The following SIPA1L1 variants were observed in gnomAD, a reference collection of about 807,000 sequenced individuals.
SIPA1L1 encodes the protein signal-induced proliferation-associated 1-like protein 1.
SIPA1L1 carries 26 observed loss-of-function variants against 162.7 expected under a neutral mutation model. The ratio of observed to expected loss-of-function variants is 0.16; its 90% CI spans 0.12 to 0.22. The LOEUF is 0.22. Ranked by LOEUF, SIPA1L1 falls within the 10% of genes least tolerant of loss-of-function variation. The probability of loss-of-function intolerance (pLI) is 1.00; values close to 1 mark genes in which losing one functional copy is unlikely to be tolerated. For synonymous variants in SIPA1L1, 829 were observed against 837.4 expected (o/e 0.99, Z 0.17); for missense variants, 1,874 against 2,241.0 (o/e 0.84, Z 3.31).
intron 2 of SIPA1L1, among the ~76,000 whole-genome samples, chr14:71,386,049 A>G (rs1259504727): frequency 1.3e-5 from 2 of 152,090 alleles, no homozygotes; most frequent in African/African-American, 4.8e-5. Flanking sequence ...CTCAGTTTGT[A>G]CTAGTGCCAT....
At chr14:71,560,600 T>A (rs1355417222) in intron 4 of SIPA1L1, among the ~76,000 whole-genome samples, 1 of 152,194 alleles carries the variant, frequency 6.6e-6, no homozygotes, top group Non-Finnish European at 1.5e-5. Flanking sequence ...CCTAAACCAG[T>A]CCATGGCCAC....
At chr14:71,607,816 T>C (rs1328515165) in intron 5 of SIPA1L1, among the ~76,000 whole-genome samples, 1 of 152,164 alleles carries the variant, frequency 6.6e-6, no homozygotes, top group Non-Finnish European at 1.5e-5. Flanking sequence ...CATAAAAAGA[T>C]CAAAGTAACT....
intron 4 of SIPA1L1, among the ~76,000 whole-genome samples, chr14:71,542,240 GCTC>G (rs373488843): frequency 6.8e-4 from 103 of 151,182 alleles, no homozygotes; most frequent in African/African-American, 2.2e-3. Context: ...ACCATGCCTG[GCTC>G]CTCCTCCTCC....
intron 2 of SIPA1L1, among the ~76,000 whole-genome samples, chr14:71,497,199 AAAG>A (rs1247169565): frequency 3.3e-5 from 5 of 152,004 alleles, no homozygotes; most frequent in Non-Finnish European, 7.4e-5. Context: ...AAACAAAAAA[AAAG>A]ATCCTACAGT....
At chr14:71,513,275 A>T (rs1396917947) in intron 3 of SIPA1L1, among the ~76,000 whole-genome samples, 1 of 152,082 alleles carries the variant, frequency 6.6e-6, no homozygotes, top group East Asian at 1.9e-4. Context: ...TCTGCCAAGA[A>T]TTGGACACTT....
chr14:71,354,593 A>T (rs1031556379), intron 2 of SIPA1L1, among the ~76,000 whole-genome samples: 3 of 138,422 alleles, frequency 2.2e-5, no homozygotes, highest in African/African-American at 7.8e-5. Context: ...TTCATTTCTT[A>T]AAAAAAAAAA....
chr14:71,607,274 T>C lies in SIPA1L1; in HGVS notation c.1499-11483T>C, dbSNP rs533113906. 7.3e-5 allele frequency among the ~76,000 whole-genome samples: 11 copies of C among 151,456 alleles called. No homozygotes were observed. In the South Asian group the frequency reaches 2.1e-3, roughly 29 times the overall value. The stretch of plus-strand genomic sequence containing the variant: ...TTTCCAGGGACTGCCCTCGGCATAA[T>C]AGATGAAAAGCCTGCATGGTGTGGT... On this transcript the variant is annotated intron_variant, in intron 5 of 23. Coordinates refer to ENST00000381232, the MANE Select transcript of SIPA1L1 (RefSeq NM_001386936.1).
chr14:71,376,062 G>A (rs2141093554), intron 2 of SIPA1L1, among the ~76,000 whole-genome samples: 1 of 152,004 alleles, frequency 6.6e-6, no homozygotes, highest in Non-Finnish European at 1.5e-5. Flanking sequence ...AAATGAGTTG[G>A]GCTTTGATCC....
intron 2 of SIPA1L1, among the ~76,000 whole-genome samples, chr14:71,417,490 AAAAAAAAAAAAAAG>A (rs2042877162): frequency 1.4e-5 from 2 of 145,534 alleles, no homozygotes; most frequent in South Asian, 2.2e-4. Context: ...AAAAAAAAAA[AAAAAAAAAAAAAAG>A]AAAATCCTAA....
At chr14:71,483,573 A>G (rs2048508959) in intron 2 of SIPA1L1, among the ~76,000 whole-genome samples, 1 of 152,174 alleles carries the variant, frequency 6.6e-6, no homozygotes, top group Non-Finnish European at 1.5e-5. Flanking sequence ...AGTTTGGGCA[A>G]GTTTAAAATT....
intron 5 of SIPA1L1, among the ~76,000 whole-genome samples, chr14:71,603,920 AAT>A (rs958703020): frequency 2.1e-5 from 3 of 141,344 alleles, no homozygotes; most frequent in Non-Finnish European, 3.1e-5. Flanking sequence ...GATATATATA[AAT>A]ATATATATAT....
intron 2 of SIPA1L1, among the ~76,000 whole-genome samples, chr14:71,367,383 T>G (rs1206467520): frequency 6.6e-6 from 1 of 151,162 alleles, no homozygotes; most frequent in Non-Finnish European, 1.5e-5. Flanking sequence ...CTCTGCTCAC[T>G]GTAAACTCCG....
At chr14:71,430,253 T>C (rs1481734517) in intron 2 of SIPA1L1, among the ~76,000 whole-genome samples, 1 of 152,202 alleles carries the variant, frequency 6.6e-6, no homozygotes, top group African/African-American at 2.4e-5. Flanking sequence ...CTTTTCCTTT[T>C]TTTTTGCATG....
chr14:71,348,389 T>C (rs1165018318), intron 2 of SIPA1L1, among the ~76,000 whole-genome samples: 2 of 152,266 alleles, frequency 1.3e-5, no homozygotes, highest in African/African-American at 4.8e-5. Flanking sequence ...GTACCTGGTT[T>C]ATCTTGCCTA....
At chr14:71,717,668 A>G (rs1161982585) in intron 17 of SIPA1L1, among the ~76,000 whole-genome samples, 1 of 152,168 alleles carries the variant, frequency 6.6e-6, no homozygotes, top group East Asian at 1.9e-4. Flanking sequence ...TGGTAGTTGT[A>G]TTGTAATTTA....
At chr14:71,495,189 G>A (rs535677686) in intron 2 of SIPA1L1, among the ~76,000 whole-genome samples, 1 of 152,278 alleles carries the variant, frequency 6.6e-6, no homozygotes. Context: ...AGAAGAGTTC[G>A]TGAAGAATTG....
At chr14:71,676,261 C>T (rs2045163900) in intron 12 of SIPA1L1, among the ~76,000 whole-genome samples, 1 of 151,448 alleles carries the variant, frequency 6.6e-6, no homozygotes, top group Non-Finnish European at 1.5e-5. Flanking sequence ...CATTGCACTC[C>T]AGCCTGGGCG....
intron 5 of SIPA1L1, among the ~76,000 whole-genome samples, chr14:71,615,577 G>C (rs376986237): frequency 4.6e-5 from 7 of 152,220 alleles, no homozygotes; most frequent in East Asian, 3.8e-4. Context: ...GGCCTGGCAT[G>C]AGCAACTGGG....
chr14:71,646,972 A>G (rs2042225338), intron 7 of SIPA1L1, among the ~76,000 whole-genome samples: 1 of 152,168 alleles, frequency 6.6e-6, no homozygotes, highest in African/African-American at 2.4e-5. Flanking sequence ...CTCCATGTAC[A>G]TTAGCTCCTT....
Sources: gnomAD v4.1 joint callset for allele counts (sites outside exome capture counted in the v4.1 genomes callset) on GRCh38, gnomAD v4.1.1 for gene constraint, MANE v1.5 for transcripts, NCBI Gene and HGNC (gene_info 2026-07-23, HGNC 2026-07-21) for gene names.